The following GLI3 variants were observed in gnomAD, a reference collection of about 807,000 sequenced individuals.
GLI3 encodes the protein GLI family zinc finger 3.
Under a neutral mutation model 100.8 loss-of-function variants are expected in GLI3, and 20 were observed. The ratio of observed to expected loss-of-function variants is 0.20; its 90% CI spans 0.14 to 0.29. GLI3 has a LOEUF of 0.29. GLI3 is among the 10% of genes least tolerant of loss of function. The pLI is 1.00. For synonymous variants in GLI3, 938 were observed against 860.5 expected, an observed-to-expected ratio of 1.09 and a Z score of -1.58; for missense variants, 2,040 against 2,128.5, an observed-to-expected ratio of 0.96 and a Z score of 0.82.
intron 4 of GLI3, among the ~76,000 whole-genome samples, chr7:42,052,717 C>A (rs1013942977): frequency 2.0e-5 from 3 of 152,092 alleles, no homozygotes; most frequent in Non-Finnish European, 4.4e-5. Flanking sequence ...TGTTCCCTAG[C>A]GGAGCAGTGG....
intron 3 of GLI3, among the ~76,000 whole-genome samples, chr7:42,133,102 A>C (rs1786335062): frequency 6.6e-6 from 1 of 152,120 alleles, no homozygotes. Flanking sequence ...TTTTTTTAGA[A>C]ATTAACTTTG....
rs1013758721 is a variant in GLI3, at chr7:41,961,338, A to G, written c.*2992T>C. Reference sequence around the variant, plus strand: ...GTTCAAAACAACACATGAAACCAGGATACAAGACAGCCTCGACTCTGCTAC... The same window carrying G: ...GTTCAAAACAACACATGAAACCAGGGTACAAGACAGCCTCGACTCTGCTAC... On this transcript the variant is annotated 3_prime_UTR_variant, in exon 15 of 15. Transcript: ENST00000395925. 1 of 152,544 alleles carries G rather than the reference A, an allele frequency of 6.6e-6. No homozygotes were observed. The highest frequency in any genetic ancestry group is 1.5e-5 in the Non-Finnish European group (1 of 68,056). The allele number at this position is 152,544 out of a possible 1,614,324, so 9.4% of individuals were successfully genotyped here.
At chr7:42,219,858 T>C (rs1322584194) in intron 2 of GLI3, among the ~76,000 whole-genome samples, 1 of 151,190 alleles carries the variant, frequency 6.6e-6, no homozygotes, top group East Asian at 1.9e-4. Flanking sequence ...GAACTCTTTT[T>C]TTTTTTTTTT....
intron 4 of GLI3, among the ~76,000 whole-genome samples, chr7:42,067,848 G>A (rs1784706526): frequency 6.6e-6 from 1 of 152,210 alleles, no homozygotes; most frequent in Admixed American, 6.5e-5. Flanking sequence ...CAGATTTTCA[G>A]TCTGGGGCCA....
rs778817286 is a variant in GLI3, at chr7:41,965,983, G to A, written c.3090C>T (p.Cys1030=). The change falls in exon 15 of 15, where the codon TGC becomes TGT. Residue 1030 remains cysteine, a synonymous_variant. Coordinates refer to ENST00000395925, the MANE Select transcript of GLI3 (RefSeq NM_000168.6). ...CGGACGTGGCCATCGCCGGGGGGTTGCAGCTGCTGAGGCTGCTGAAGCGCG... is the reference window on the plus strand; with the variant it reads ...CGGACGTGGCCATCGCCGGGGGGTTACAGCTGCTGAGGCTGCTGAAGCGCG... The part of the protein sequence containing the change: ...RVPRFSSLSS[C]NPPAMATSAE... 6.2e-7 allele frequency: 1 copy of A among 1,606,150 alleles called. No individual in the cohort carries two copies. The highest frequency in any genetic ancestry group is 8.5e-7 in the Non-Finnish European group (1 of 1,179,386).
At chr7:42,083,848 A>C (rs1180007182) in intron 3 of GLI3, among the ~76,000 whole-genome samples, 3 of 152,250 alleles carry the variant, frequency 2.0e-5, no homozygotes, top group Non-Finnish European at 4.4e-5. Flanking sequence ...AAAACCCGTA[A>C]CAAGTAGACA....
chr7:42,082,521 T>A (rs1785017750), intron 3 of GLI3, among the ~76,000 whole-genome samples: 1 of 152,108 alleles, frequency 6.6e-6, no homozygotes, highest in African/African-American at 2.4e-5. Context: ...GTGAGCGGAA[T>A]CTAAGAAGTG....
At chr7:42,031,601 G>C (rs1439657145) in intron 7 of GLI3, among the ~76,000 whole-genome samples, 1 of 152,154 alleles carries the variant, frequency 6.6e-6, no homozygotes, top group Non-Finnish European at 1.5e-5. Context: ...CATTCTTCTA[G>C]GGCAACAATT....
At position 42,086,224 on chromosome 7, in the gene GLI3, C is replaced by G. The variant is rs144523013; in HGVS notation, c.368-9367G>C. Among the ~76,000 whole-genome samples, 942 of 152,294 alleles carry G rather than the reference C, an allele frequency of 6.2e-3. 8 individuals carry two copies. The highest frequency in any genetic ancestry group is 9.8e-3 in the Non-Finnish European group (667 of 68,034). On this transcript the variant is annotated intron_variant, in intron 3 of 14. Coordinates refer to ENST00000395925, the MANE Select transcript of GLI3 (RefSeq NM_000168.6). Reference sequence around the variant, plus strand: ...ATTTATTTCTTCCTGGGGCCTGACCCTGAGAAGCAGGTACTATTCATACGC... The same window carrying G: ...ATTTATTTCTTCCTGGGGCCTGACCGTGAGAAGCAGGTACTATTCATACGC...
At chr7:42,036,263 T>C (rs758357343) in intron 7 of GLI3, among the ~76,000 whole-genome samples, 2 of 152,230 alleles carry the variant, frequency 1.3e-5, no homozygotes, top group Non-Finnish European at 2.9e-5. Flanking sequence ...TCATACAGAT[T>C]GCAACTTTCA....
intron 3 of GLI3, among the ~76,000 whole-genome samples, chr7:42,129,384 AT>A (rs34849444): frequency 2.0e-5 from 3 of 152,218 alleles, no homozygotes; most frequent in Non-Finnish European, 1.5e-5. Context: ...AAGATAAAAA[AT>A]TTCAACCCAT....
intron 2 of GLI3, among the ~76,000 whole-genome samples, chr7:42,179,364 A>G (rs10242186): frequency 0.35 from 53,087 of 151,824 alleles, 10,150 homozygotes; most frequent in African/African-American, 0.5. Context: ...AGCAGAGGGA[A>G]GGCGTGGGTG....
At chr7:42,259,977 AG>A (rs1789122687) in intron 1 of GLI3, among the ~76,000 whole-genome samples, 1 of 152,224 alleles carries the variant, frequency 6.6e-6, no homozygotes, top group Admixed American at 6.5e-5. Flanking sequence ...GCAGCCTTTC[AG>A]GACTGTAGTT....
chr7:42,226,972 G>A (rs1788592997), intron 1 of GLI3, among the ~76,000 whole-genome samples: 1 of 152,140 alleles, frequency 6.6e-6, no homozygotes, highest in African/African-American at 2.4e-5. Context: ...ATTCCTCATG[G>A]AATCTCAAAA....
rs760843140 is a variant in GLI3 at position 42,223,232 on chromosome 7, A to G, written c.22T>C (p.Ser8Pro). Residue 8 changes from serine (S) to proline (P), a missense_variant, in exon 2 of 15, where the codon TCC (serine) becomes CCC (proline). Coordinates refer to ENST00000395925, the MANE Select transcript of GLI3 (RefSeq NM_000168.6). The part of the protein sequence containing the change: MEAQSHS[S>P]TTTEKKKVEN... ...ACTTTTTTCTTTTCAGTGGTCGTGG[A>G]GCTGTGGGACTGGGCCTCCATGATG... 1.9e-6 allele frequency: 3 copies of G among 1,613,438 alleles called. No individual in the cohort carries two copies. The highest frequency in any genetic ancestry group is 4.5e-5 in the East Asian group (2 of 44,854).
intron 2 of GLI3, among the ~76,000 whole-genome samples, chr7:42,212,012 C>T (rs1030317860): frequency 6.6e-6 from 1 of 152,174 alleles, no homozygotes; most frequent in Non-Finnish European, 1.5e-5. Flanking sequence ...TTTCCCAATG[C>T]TTTTGCAATT....
At chr7:42,007,736 TAAG>T (rs573292030) in intron 10 of GLI3, among the ~76,000 whole-genome samples, 54 of 152,238 alleles carry the variant, frequency 3.5e-4, no homozygotes, top group African/African-American at 1.3e-3. Context: ...TAAAAAAATC[TAAG>T]AAGTTTTTAC....
chr7:41,968,737 A>AAAG (rs1491447200), intron 13 of GLI3, among the ~76,000 whole-genome samples: 30 of 117,882 alleles, frequency 2.5e-4, no homozygotes, highest in African/African-American at 1.3e-3. Flanking sequence ...AGAAAGAAAG[A>AAAG]AAGAAAGAAA....
chr7:42,205,148 T>C (rs1788123327), intron 2 of GLI3, among the ~76,000 whole-genome samples: 1 of 152,226 alleles, frequency 6.6e-6, no homozygotes, highest in African/African-American at 2.4e-5. Context: ...TGTGGTGTTC[T>C]TAAAGGTGTT....
Sources: allele counts gnomAD v4.1 joint callset (sites outside exome capture counted in the v4.1 genomes callset), GRCh38; gene constraint gnomAD v4.1.1; transcripts MANE v1.5; gene names NCBI Gene and HGNC (gene_info 2026-07-23, HGNC 2026-07-21).